The following FXYD2 variants were observed in gnomAD, a reference collection of about 807,000 sequenced individuals.
FXYD2 encodes sodium/potassium-transporting ATPase subunit gamma.
FXYD2 carries 8 observed loss-of-function variants against 11.8 expected under a neutral mutation model. That is an observed-to-expected ratio of 0.68 (90% confidence interval 0.40 to 1.22). The LOEUF (loss-of-function observed/expected upper bound fraction) is 1.22. Ranked by LOEUF, FXYD2 falls within the 50% of genes most tolerant of loss-of-function variation. The pLI is 0.01. For synonymous variants in FXYD2, 42 were observed against 33.3 expected (o/e 1.26, Z -0.90); for missense variants, 92 against 91.8 (o/e 1.00, Z -0.01).
At chr11:117,826,809 TATC>T (rs1340701460), upstream of FXYD2, among the ~76,000 whole-genome samples, 8 of 144,606 alleles carry the variant, frequency 5.5e-5, no homozygotes, top group Non-Finnish European at 6.2e-5. Flanking sequence ...TCTATCTATC[TATC>T]TATCTATCTA....
rs954500348 is a variant in FXYD2 at position 117,824,426 on chromosome 11, C to T, written c.25+228G>A. 3.2e-6 allele frequency: 2 copies of T among 624,616 alleles called. No homozygotes were observed. The highest frequency in any genetic ancestry group is 1.8e-5 in the African/African-American group (1 of 54,972). The allele number at this position is 624,616 out of a possible 1,614,324, so 38.7% of individuals were successfully genotyped here. On this transcript the variant is annotated intron_variant, in intron 1 of 5. Transcript: ENST00000292079. The surrounding 1 kb of genome is among the most constrained non-coding windows in gnomAD (Gnocchi z 4.0). ...GAACGCTCAGCTCTCCAGCTTCTAT[C>T]TGCTGCCTTTCTGCCACTCAAGCTA...
upstream of FXYD2, among the ~76,000 whole-genome samples, chr11:117,826,274 C>T (rs553259807): frequency 5.9e-5 from 9 of 152,264 alleles, no homozygotes; most frequent in Non-Finnish European, 1.3e-4. Flanking sequence ...GCAGATCAGG[C>T]GCTGCAATAC....
upstream of FXYD2, among the ~76,000 whole-genome samples, chr11:117,827,111 GA>G (rs2056059909): frequency 7.7e-6 from 1 of 129,864 alleles, no homozygotes; most frequent in Non-Finnish European, 1.7e-5. Flanking sequence ...TAGATAGATA[GA>G]TAGATAGATA....
chr11:117,822,138 G>C lies in FXYD2; in HGVS notation c.139+268C>G, dbSNP rs550718876. ...GCCTAGTCCCCCTGTCTGGCCCTCC[G>C]GTTACCCAGTTACCCCGTGGGTTTG... is the stretch of plus-strand genomic sequence containing the variant. On this transcript the variant is annotated intron_variant, in intron 3 of 5. Coordinates refer to ENST00000292079, the MANE Select transcript of FXYD2 (RefSeq NM_001680.5). The surrounding 1 kb of genome is among the most constrained non-coding windows in gnomAD (Gnocchi z 4.7). The C allele has an allele frequency of 1.4e-6, 2 of 1,388,788 alleles. No individual in the cohort carries two copies. Among genetic ancestry groups the C allele is most frequent in the South Asian group, 1.5e-5 (1 of 66,154 alleles). 86.0% of individuals were successfully genotyped at this position (1,388,788 alleles called of 1,614,324 possible).
At chr11:117,821,232 A>AAT (rs1555039214) in intron 3 of FXYD2, 25 of 567,170 alleles carry the variant, frequency 4.4e-5, no homozygotes, top group East Asian at 1.2e-4. Context: ...AATTAAAAAA[A>AAT]TTTTTTTTTG....
rs869790 is a variant in FXYD2, at chr11:117,821,341, A to G, written c.140-446T>C. 13,679 of 989,532 alleles carry G rather than the reference A, an allele frequency of 0.014. 1,237 individuals carry two copies. The African/African-American group carries it at 0.2, about 15-fold the overall frequency. The allele number at this position is 989,532 out of a possible 1,614,324, so 61.3% of individuals were successfully genotyped here. A position where few individuals can be genotyped will look rare whatever the true frequency, so the allele number is the denominator to read the frequency against. On this transcript the variant is annotated intron_variant, in intron 3 of 5. Transcript: ENST00000292079. ...CTCCTAATATGCCGGCATTACAGGC[A>G]TGAGCCACCACGCCCAGCCTTCTCT...
chr11:117,821,896 G>A (rs2055914283), intron 3 of FXYD2: 2 of 1,010,358 alleles, frequency 2.0e-6, no homozygotes, highest in African/African-American at 3.4e-5. Flanking sequence ...ACCAAAACAA[G>A]TCAATGTGCA....
At chr11:117,826,826 G>GTCTA (rs58286434), upstream of FXYD2, among the ~76,000 whole-genome samples, 1 of 109,664 alleles carries the variant, frequency 9.1e-6, no homozygotes, top group Non-Finnish European at 2.0e-5. Flanking sequence ...CTATCTATCT[G>GTCTA]TCTATCTATC....
chr11:117,820,992 G>C, intron 3 of FXYD2, 97 bp from the exon 4 acceptor site: 1 of 1,563,498 alleles, frequency 6.4e-7, no homozygotes. Flanking sequence ...CCTCCCTCCT[G>C]CCAGTATCAT....
In FXYD2 at chr11:117,822,435, G is replaced by A. The variant is rs138991613; in HGVS notation, c.110C>T (p.Ala37Val). Residue 37 changes from alanine (A) to valine (V), a missense_variant, in exon 3 of 6, where the codon GCC becomes GTC. Physicochemically the swap from Ala to Val is moderately conservative, Grantham distance 64. Coordinates refer to ENST00000292079, the MANE Select transcript of FXYD2 (RefSeq NM_001680.5). The surrounding 1 kb of genome is among the most constrained non-coding windows in gnomAD (Gnocchi z 4.7). ...RNGGLIFAGLAFIVGLLILLS... is the reference protein window; with the variant it reads ...RNGGLIFAGLVFIVGLLILLS... ...GAGGATGAGGAGCCCCACGATGAAG[G>A]CCAGTCCAGCGAAGATCAGGCCCCC... 4 of 1,562,680 alleles carry A rather than the reference G, an allele frequency of 2.6e-6. No individual in the cohort carries two copies. In the South Asian group the frequency reaches 4.7e-5, roughly 18 times the overall value.
At position 117,822,427 on chromosome 11, in the gene FXYD2, C is replaced by G; in HGVS notation, c.118G>C (p.Val40Leu). 1 of 1,561,056 alleles carries G rather than the reference C, an allele frequency of 6.4e-7. No homozygotes were observed. The highest frequency in any genetic ancestry group is 1.4e-5 in the African/African-American group (1 of 74,004). ...TTACTGAGGAGGATGAGGAGCCCCA[C>G]GATGAAGGCCAGTCCAGCGAAGATC... Reference protein sequence around the residue: ...GLIFAGLAFIVGLLILLSRRF... With the variant: ...GLIFAGLAFILGLLILLSRRF... Residue 40 changes from valine (V) to leucine (L), a missense_variant, in exon 3 of 6, where the codon GTG becomes CTG. Transcript: ENST00000292079. This position sits in a 1 kb window ranked among gnomAD's most constrained non-coding sequence, Gnocchi z 4.7.
At chr11:117,820,434 C>T in intron 5 of FXYD2, 62 bp from the exon 6 acceptor site, 1 of 579,306 alleles carries the variant, frequency 1.7e-6, no homozygotes, top group Non-Finnish European at 3.0e-6. Flanking sequence ...GTTTTACTTC[C>T]CCCTTGTCCA....
At chr11:117,821,830 C>T (rs905032124) in intron 3 of FXYD2, 21 of 995,696 alleles carry the variant, frequency 2.1e-5, no homozygotes, top group Non-Finnish European at 2.5e-5. Flanking sequence ...CACAGGTGTG[C>T]TTGCTGTATC....
chr11:117,826,778 G>GTCTATCTCTCTGTCTATCTATCTA, upstream of FXYD2, among the ~76,000 whole-genome samples: 1 of 125,780 alleles, frequency 8.0e-6, no homozygotes, highest in Non-Finnish European at 1.8e-5. Flanking sequence ...CTGTCTGTCT[G>GTCTATCTCTCTGTCTATCTATCTA]TCTATCTATC....
rs760414736 is a variant in FXYD2, at chr11:117,820,854, C to T, written c.176+5G>A. On this transcript the variant is annotated splice_donor_5th_base_variant and intron_variant, in intron 4 of 5. Coordinates refer to ENST00000292079, the MANE Select transcript of FXYD2 (RefSeq NM_001680.5). ...CCCTCATCGGTCACCCCAGGCAGCG[C>T]TCACCTGCGCTTCTTATTGCCCCCA... The T allele has an allele frequency of 1.2e-6, 2 of 1,613,666 alleles. No homozygotes were observed. The highest frequency in any genetic ancestry group is 2.2e-5 in the South Asian group (2 of 91,056).
chr11:117,821,285 T>C, intron 3 of FXYD2: 2 of 910,094 alleles, frequency 2.2e-6, no homozygotes, highest in Non-Finnish European at 2.6e-6. Flanking sequence ...GGTCTTAAAC[T>C]CCTGGTCTCA....
intron 5 of FXYD2, 46 bp from the exon 6 acceptor site, chr11:117,820,418 G>A (rs1006815006): frequency 5.0e-5 from 29 of 575,286 alleles, no homozygotes; most frequent in Non-Finnish European, 8.0e-5. Context: ...GGCAGCAGAG[G>A]TTGGGGTTTT....
intron 1 of FXYD2, among the ~76,000 whole-genome samples, chr11:117,823,237 C>T (rs1383278790): frequency 6.6e-6 from 1 of 152,218 alleles, no homozygotes; most frequent in African/African-American, 2.4e-5. Flanking sequence ...CGTTACCATC[C>T]TCAGGGGAAG....
In FXYD2 at chr11:117,824,568, G is replaced by C; in HGVS notation, c.25+86C>G. ...GGCTGAGGTGGCAGGAGAGGGAAGA[G>C]TAGGGTCCAGCTGACCCCACAAAGG... On this transcript the variant is annotated intron_variant, in intron 1 of 5. Transcript: ENST00000292079. The surrounding 1 kb of genome is among the most constrained non-coding windows in gnomAD (Gnocchi z 4.0). 1.9e-6 allele frequency: 2 copies of C among 1,075,814 alleles called. No homozygotes were observed. The highest frequency in any genetic ancestry group is 2.9e-6 in the Non-Finnish European group (2 of 694,278). The allele number at this position is 1,075,814 out of a possible 1,614,324, so 66.6% of individuals were successfully genotyped here. A position where few individuals can be genotyped will look rare whatever the true frequency, so the allele number is the denominator to read the frequency against.
Sources: allele counts gnomAD v4.1 joint callset (sites outside exome capture counted in the v4.1 genomes callset), GRCh38; gene constraint gnomAD v4.1.1; non-coding constraint Gnocchi (gnomAD v3.1); transcripts MANE v1.5; gene names NCBI Gene and HGNC (gene_info 2026-07-23, HGNC 2026-07-21).